The following IL1R1 variants were observed in gnomAD, a reference collection of about 807,000 sequenced individuals.
IL1R1 encodes interleukin-1 receptor type 1.
A neutral mutation model predicts 50.2 loss-of-function variants in IL1R1; 22 were observed. The ratio of observed to expected loss-of-function variants is 0.44; its 90% confidence interval spans 0.31 to 0.63. IL1R1 has a LOEUF of 0.63. IL1R1 is among the 20% of genes least tolerant of loss of function. The probability of loss-of-function intolerance (pLI) is 0.07; values close to 1 mark genes in which losing one functional copy is unlikely to be tolerated. For missense variants in IL1R1, 509 were observed against 676.2 expected (o/e 0.75, Z 2.74); for synonymous variants, 251 against 236.7 (o/e 1.06, Z -0.55).
At chr2:102,146,365 A>G (rs562318487) in intron 1 of IL1R1, among the ~76,000 whole-genome samples, 2 of 152,344 alleles carry the variant, frequency 1.3e-5, no homozygotes, top group South Asian at 4.1e-4. Flanking sequence ...TCTACAACAT[A>G]AGTTTAAAAA....
At chr2:102,118,778 G>C (rs1470400394) in intron 1 of IL1R1, among the ~76,000 whole-genome samples, 1 of 152,134 alleles carries the variant, frequency 6.6e-6, no homozygotes, top group Non-Finnish European at 1.5e-5. Flanking sequence ...AGCACTTTGG[G>C]AGGCCAAGGT....
rs926320251 is a variant in IL1R1 at position 102,179,069 on chromosome 2, C to T, written c.*2310C>T. 2 of 152,304 alleles carry T rather than the reference C, an allele frequency of 1.3e-5. No homozygotes were observed. Among genetic ancestry groups the T allele is most frequent in the African/African-American group, 2.4e-5 (1 of 41,444 alleles). 9.4% of individuals were successfully genotyped at this position (152,304 alleles called of 1,614,324 possible). On this transcript the variant is annotated 3_prime_UTR_variant, in exon 12 of 12. Transcript: ENST00000410023. Reference sequence around the variant, plus strand: ...GGAGCTGCTGTTCCAACAGACAGGGCCTAGCTTTCATTTGACACACAGACT... The same window carrying T: ...GGAGCTGCTGTTCCAACAGACAGGGTCTAGCTTTCATTTGACACACAGACT...
intron 3 of IL1R1, among the ~76,000 whole-genome samples, chr2:102,162,507 A>G (rs1684820600): frequency 6.6e-6 from 1 of 151,076 alleles, no homozygotes; most frequent in East Asian, 1.9e-4. Flanking sequence ...TTTTAGATTA[A>G]TTGGCATTTT....
intron 3 of IL1R1, among the ~76,000 whole-genome samples, chr2:102,159,021 G>T (rs1485573975): frequency 6.6e-6 from 1 of 152,170 alleles, no homozygotes; most frequent in Non-Finnish European, 1.5e-5. Context: ...GGAAAGAGAA[G>T]AATCAAGAAT....
rs59649168 is a variant in IL1R1 at position 102,072,592 on chromosome 2, C to T, written c.-84+2059C>T. ...ACGTCTATTGGCTTTTTGCTTTTTG[C>T]TTATTGCTTTTTGCTTCTTTCTTTT... On this transcript the variant is annotated intron_variant, in intron 1 of 11. Coordinates refer to the IL1R1 transcript ENST00000409929. Among the ~76,000 whole-genome samples the T allele has an allele frequency of 5.5e-3, 831 of 152,074 alleles. 11 individuals are homozygous for T. The highest frequency in any genetic ancestry group is 0.019 in the African/African-American group (802 of 41,510).
In IL1R1 at chr2:102,172,781, T is replaced by C. The variant is rs753881851; in HGVS notation, c.934T>C (p.Cys312Arg). ...TAGATTTTATAAACATCCATTTACC[T>C]GTTTTGCCAAGAATACACATGGTAT... ...ESRFYKHPFT[C>R]FAKNTHGIDA... Residue 312 changes from cysteine (C) to arginine (R), a missense_variant, in exon 9 of 12, where the codon TGT (cysteine) becomes CGT (arginine). Physicochemically the swap from Cys to Arg is radical, Grantham distance 180. Transcript: ENST00000410023. 6.2e-7 allele frequency: 1 copy of C among 1,611,892 alleles called. No individual in the cohort carries two copies.
upstream of IL1R1, among the ~76,000 whole-genome samples, chr2:102,104,206 A>G (rs1387371905): frequency 6.6e-6 from 1 of 152,074 alleles, no homozygotes; most frequent in Non-Finnish European, 1.5e-5. Context: ...GTGGGCCAGC[A>G]TCTGGGACAC....
chr2:102,109,221 T>C (rs771696319), intron 1 of IL1R1, among the ~76,000 whole-genome samples: 10 of 152,056 alleles, frequency 6.6e-5, no homozygotes, highest in Admixed American at 1.3e-4. Context: ...TTGGAGACAA[T>C]GTCTCATGGT....
intron 1 of IL1R1, among the ~76,000 whole-genome samples, chr2:102,152,658 A>G (rs1026595599): frequency 2.0e-5 from 3 of 151,284 alleles, no homozygotes; most frequent in Non-Finnish European, 2.9e-5. Flanking sequence ...CATTCACTAT[A>G]TAATTCCCAG....
chr2:102,118,704 T>A (rs1344289570), intron 1 of IL1R1, among the ~76,000 whole-genome samples: 2 of 152,012 alleles, frequency 1.3e-5, no homozygotes, highest in Non-Finnish European at 2.9e-5. Context: ...CACAGAAGTG[T>A]GTGGAGTGCA....
intron 1 of IL1R1, among the ~76,000 whole-genome samples, chr2:102,079,937 G>A (rs927149697): frequency 3.3e-5 from 5 of 152,104 alleles, no homozygotes; most frequent in East Asian, 1.9e-4. Context: ...ATGCCCTTAC[G>A]TTTATGGTCA....
intron 1 of IL1R1, among the ~76,000 whole-genome samples, chr2:102,085,015 G>A (rs1679375155): frequency 6.6e-6 from 1 of 152,018 alleles, no homozygotes; most frequent in Non-Finnish European, 1.5e-5. Context: ...TTATTTTTTG[G>A]CCATTTAAAT....
At chr2:102,105,913 A>T (rs975874540) in intron 1 of IL1R1, among the ~76,000 whole-genome samples, 2 of 152,142 alleles carry the variant, frequency 1.3e-5, no homozygotes, top group Non-Finnish European at 1.5e-5. Context: ...TCCATAATTT[A>T]TCCTTGATCT....
intron 1 of IL1R1, among the ~76,000 whole-genome samples, chr2:102,095,618 TC>T (rs1480818854): frequency 1.3e-5 from 2 of 152,134 alleles, no homozygotes; most frequent in South Asian, 2.1e-4. Context: ...CCTCCCTGCT[TC>T]CCCCCAGAAA....
At chr2:102,129,591 G>C (rs1160320558) in intron 1 of IL1R1, among the ~76,000 whole-genome samples, 2 of 152,180 alleles carry the variant, frequency 1.3e-5, no homozygotes. Context: ...TAGGATGTAG[G>C]TCCTTATGGT....
intron 1 of IL1R1, among the ~76,000 whole-genome samples, chr2:102,124,126 A>G (rs1266247314): frequency 6.6e-6 from 1 of 152,096 alleles, no homozygotes; most frequent in Non-Finnish European, 1.5e-5. Flanking sequence ...GCACTGCTGT[A>G]AAGAAATACC....
At position 102,176,762 on chromosome 2, in the gene IL1R1, T is replaced by C. The variant is rs377516826; in HGVS notation, c.*3T>C. 3 of 1,611,676 alleles carry C rather than the reference T, an allele frequency of 1.9e-6. No homozygotes were observed. Among genetic ancestry groups the C allele is most frequent in the African/African-American group, 2.7e-5 (2 of 74,798 alleles). ...AGGCTCACGTGCCTCTCGGGTAGCA[T>C]GGAGAAGTTGCCAAGAGTTCTTTAG... On this transcript the variant is annotated 3_prime_UTR_variant, in exon 12 of 12. Coordinates refer to ENST00000410023, the MANE Select transcript of IL1R1 (RefSeq NM_000877.4).
intron 1 of IL1R1, among the ~76,000 whole-genome samples, chr2:102,134,433 A>G (rs1381901312): frequency 6.6e-6 from 1 of 151,260 alleles, no homozygotes; most frequent in African/African-American, 2.4e-5. Flanking sequence ...GCTGGAGCGC[A>G]ATGGCACAGA....
intron 3 of IL1R1, among the ~76,000 whole-genome samples, chr2:102,158,990 G>A (rs3917249): frequency 0.021 from 3,230 of 152,266 alleles, 128 homozygotes; most frequent in African/African-American, 0.072. Flanking sequence ...ATTTGGAGTT[G>A]GGTCAGATGT....
Sources: gnomAD v4.1 joint callset for allele counts (sites outside exome capture counted in the v4.1 genomes callset) on GRCh38, gnomAD v4.1.1 for gene constraint, MANE v1.5 for transcripts, NCBI Gene and HGNC (gene_info 2026-07-23, HGNC 2026-07-21) for gene names.